ST8SIA6: variants seen among roughly 807,000 people sequenced by gnomAD.
The protein encoded by ST8SIA6 is alpha-2,8-sialyltransferase 8F.
In ST8SIA6, 39 loss-of-function variants were observed where a neutral mutation model predicts 33.6. The ratio of observed to expected loss-of-function variants is 1.16; its 90% CI spans 0.90 to 1.52. The LOEUF is 1.52. Among genes scored for constraint, ST8SIA6 ranks in the 40% most tolerant of loss-of-function variants. The probability of loss-of-function intolerance (pLI) is 0.00; values close to 1 mark genes in which losing one functional copy is unlikely to be tolerated. For missense variants in ST8SIA6, 441 were observed against 443.8 expected (o/e 0.99, Z 0.06); for synonymous variants, 172 against 167.2 (o/e 1.03, Z -0.22).
At chr10:17,435,200 G>T (rs1398594285) in intron 2 of ST8SIA6, among the ~76,000 whole-genome samples, 1 of 152,180 alleles carries the variant, frequency 6.6e-6, no homozygotes, top group Non-Finnish European at 1.5e-5. Context: ...TCTCAGTATG[G>T]TATGTGGCTT....
At chr10:17,410,649 C>T (rs1851419187) in intron 2 of ST8SIA6, 1 of 152,038 alleles carries the variant, frequency 6.6e-6, no homozygotes, top group East Asian at 1.9e-4. Flanking sequence ...GACAACTAAG[C>T]ATGAGGTATT....
intron 3 of ST8SIA6, among the ~76,000 whole-genome samples, chr10:17,361,302 A>G (rs1044236307): frequency 1.3e-5 from 2 of 152,008 alleles, no homozygotes; most frequent in African/African-American, 2.4e-5. Context: ...GATACAAATG[A>G]CCAGTACCAG....
intron 6 of ST8SIA6, among the ~76,000 whole-genome samples, chr10:17,324,043 T>A (rs1848048332): frequency 6.6e-6 from 1 of 152,250 alleles, no homozygotes; most frequent in Non-Finnish European, 1.5e-5. Context: ...TGTTCTCATC[T>A]TCCTTTGAGT....
chr10:17,324,114 T>G (rs750876301), intron 6 of ST8SIA6, among the ~76,000 whole-genome samples: 1 of 152,348 alleles, frequency 6.6e-6, no homozygotes, highest in African/African-American at 2.4e-5. Context: ...AATTATATTC[T>G]TGTCACAAAA....
intron 3 of ST8SIA6, among the ~76,000 whole-genome samples, chr10:17,378,878 A>G (rs185568497): frequency 3.7e-4 from 57 of 152,254 alleles, no homozygotes; most frequent in African/African-American, 1.1e-3. Context: ...TGTAATCCCA[A>G]CACTTTGGGA....
chr10:17,450,067 G>A (rs1417584142), intron 2 of ST8SIA6, among the ~76,000 whole-genome samples: 1 of 152,196 alleles, frequency 6.6e-6, no homozygotes, highest in Admixed American at 6.5e-5. Flanking sequence ...ATGAGGCCCA[G>A]AAATAGGTGA....
chr10:17,365,214 GATA>G (rs1436504380), intron 3 of ST8SIA6, among the ~76,000 whole-genome samples: 3 of 152,090 alleles, frequency 2.0e-5, no homozygotes, highest in Non-Finnish European at 4.4e-5. Flanking sequence ...CCTACTAAAT[GATA>G]ATAAATGTCA....
intron 3 of ST8SIA6, among the ~76,000 whole-genome samples, chr10:17,380,895 A>G (rs2589045): frequency 0.39 from 59,651 of 151,176 alleles, 12,137 homozygotes; most frequent in East Asian, 0.64. Context: ...GTGTGTATGC[A>G]TATGTGTATA....
chr10:17,416,287 C>T (rs1851605161), intron 2 of ST8SIA6, among the ~76,000 whole-genome samples: 1 of 152,112 alleles, frequency 6.6e-6, no homozygotes, highest in South Asian at 2.1e-4. Flanking sequence ...CTAGAACTTG[C>T]TCCTAGATCC....
intron 2 of ST8SIA6, among the ~76,000 whole-genome samples, chr10:17,425,890 G>A (rs1468188500): frequency 6.6e-6 from 1 of 152,142 alleles, no homozygotes. Flanking sequence ...TTTGACATCT[G>A]GGAAAAACTG....
intron 2 of ST8SIA6, among the ~76,000 whole-genome samples, chr10:17,430,641 G>A: frequency 6.6e-6 from 1 of 152,174 alleles, no homozygotes; most frequent in African/African-American, 2.4e-5. Flanking sequence ...ATGATTAGTG[G>A]TGTCAAGCAT....
At chr10:17,378,944 G>A (rs1850017642) in intron 3 of ST8SIA6, among the ~76,000 whole-genome samples, 11 of 152,026 alleles carry the variant, frequency 7.2e-5, no homozygotes. Flanking sequence ...GGCTAACATG[G>A]TGAAACCCCG....
Position 17,317,130 on chromosome 10 carries a change from T to C in ST8SIA6, c.*3748A>G, listed in dbSNP as rs912512487. ...TCCCTCTGGAGCCCAACTTTTTATA[T>C]GGTGCAATGTAGGCATTTATTTTTC... On this transcript the variant is annotated 3_prime_UTR_variant, in exon 8 of 8. Transcript: ENST00000377602. Among the ~76,000 whole-genome samples, 1 of 152,220 alleles carries C rather than the reference T, an allele frequency of 6.6e-6. No individual in the cohort carries two copies. The highest frequency in any genetic ancestry group is 1.5e-5 in the Non-Finnish European group (1 of 68,024).
chr10:17,335,944 A>T (rs976454954), intron 4 of ST8SIA6, among the ~76,000 whole-genome samples: 3 of 148,096 alleles, frequency 2.0e-5, no homozygotes, highest in African/African-American at 7.7e-5. Context: ...TAAAACATTA[A>T]TAGAGTTTTT....
chr10:17,421,480 G>T (rs2131708047), intron 2 of ST8SIA6, among the ~76,000 whole-genome samples: 1 of 152,294 alleles, frequency 6.6e-6, no homozygotes, highest in East Asian at 1.9e-4. Context: ...CAAAAAAATT[G>T]TGTGTATAAA....
At chr10:17,448,604 G>A (rs1852803114) in intron 2 of ST8SIA6, among the ~76,000 whole-genome samples, 1 of 146,414 alleles carries the variant, frequency 6.8e-6, no homozygotes, top group East Asian at 1.9e-4. Context: ...TATTGTTGTT[G>A]TTGTTCTTGT....
intron 3 of ST8SIA6, among the ~76,000 whole-genome samples, chr10:17,359,937 T>C (rs1385527623): frequency 6.6e-6 from 1 of 152,156 alleles, no homozygotes; most frequent in Non-Finnish European, 1.5e-5. Context: ...TTTATAGATG[T>C]TTGCCATAAA....
rs1002677737 is a variant in ST8SIA6 at position 17,316,306 on chromosome 10, A to G, written c.*4572T>C. ...TTTCCCTTTATGCTAAATTTAAAGG[A>G]CATACCCTTATTTCTGTATATATGT... On this transcript the variant is annotated 3_prime_UTR_variant, in exon 8 of 8. Transcript: ENST00000377602. 3.3e-5 allele frequency among the ~76,000 whole-genome samples: 5 copies of G among 152,038 alleles called. No individual in the cohort carries two copies. Among genetic ancestry groups the G allele is most frequent in the Admixed American group, 3.3e-4 (5 of 15,236 alleles).
chr10:17,415,375 G>T (rs982137578), intron 2 of ST8SIA6, among the ~76,000 whole-genome samples: 2 of 152,026 alleles, frequency 1.3e-5, no homozygotes, highest in African/African-American at 4.8e-5. Context: ...GCTTCCCCAG[G>T]GTATCTCAAT....
Sources: gnomAD v4.1 joint callset for allele counts (sites outside exome capture counted in the v4.1 genomes callset) on GRCh38, gnomAD v4.1.1 for gene constraint, MANE v1.5 for transcripts, NCBI Gene and HGNC (gene_info 2026-07-23, HGNC 2026-07-21) for gene names.